FAF2: variants seen among roughly 807,000 people sequenced by gnomAD.
FAF2 encodes the protein Fas associated factor family member 2.
In FAF2, 9 loss-of-function variants were observed where a neutral mutation model predicts 62.3. The ratio of observed to expected loss-of-function variants is 0.14; its 90% CI spans 0.09 to 0.25. The LOEUF is 0.25. Ranked by LOEUF, FAF2 falls within the 10% of genes least tolerant of loss-of-function variation. The pLI, the probability that FAF2 is intolerant of heterozygous loss-of-function variation, is 1.00. For synonymous variants in FAF2, 202 were observed against 198.0 expected, an observed-to-expected ratio of 1.02 and a Z score of -0.17; for missense variants, 368 against 556.2, an observed-to-expected ratio of 0.66 and a Z score of 3.40.
In FAF2 at chr5:176,508,093, C is replaced by T. The variant is rs757353003; in HGVS notation, c.*1143C>T. 7.9e-5 allele frequency: 12 copies of T among 152,664 alleles called. No homozygotes were observed. The highest frequency in any genetic ancestry group is 1.2e-4 in the African/African-American group (5 of 41,456). The allele number at this position is 152,664 out of a possible 1,614,324, so 9.5% of individuals were successfully genotyped here. A position where few individuals can be genotyped will look rare whatever the true frequency, so the allele number is the denominator to read the frequency against. On this transcript the variant is annotated 3_prime_UTR_variant, in exon 11 of 11. Coordinates refer to ENST00000261942, the MANE Select transcript of FAF2 (RefSeq NM_014613.3). ...GGCCTTGAAGGGAGCCAAGACAGAA[C>T]TCCCAGCCTGTGTAATCTATTGGAA...
chr5:176,471,981 C>G (rs80341015), intron 1 of FAF2, among the ~76,000 whole-genome samples: 1,924 of 151,570 alleles, frequency 0.013, 44 homozygotes, highest in African/African-American at 0.044. Flanking sequence ...TGCCCAGCCC[C>G]TATCTGTACA....
At chr5:176,502,527 C>T (rs528937361) in intron 10 of FAF2, among the ~76,000 whole-genome samples, 1 of 151,932 alleles carries the variant, frequency 6.6e-6, no homozygotes, top group South Asian at 2.1e-4. Context: ...TTGCGGTGAG[C>T]CGAGATCATG....
intron 1 of FAF2, among the ~76,000 whole-genome samples, chr5:176,462,347 A>T (rs1195627732): frequency 6.6e-6 from 1 of 151,820 alleles, no homozygotes; most frequent in African/African-American, 2.4e-5. Context: ...TATTTAATAG[A>T]CTGCACAGTG....
intron 1 of FAF2, among the ~76,000 whole-genome samples, chr5:176,451,120 C>G (rs890007551): frequency 3.3e-5 from 5 of 152,058 alleles, no homozygotes; most frequent in African/African-American, 1.2e-4. Context: ...CTTGTAATCC[C>G]AGCACTTTGG....
chr5:176,451,833 T>C lies in FAF2; in HGVS notation c.63+3363T>C, dbSNP rs398050299. Among the ~76,000 whole-genome samples, 6 of 42,574 alleles carry C rather than the reference T, an allele frequency of 1.4e-4. 1 individual carries two copies. The highest frequency in any genetic ancestry group is 1.2e-3 in the Admixed American group (4 of 3,234). 27.9% of individuals were successfully genotyped at this position (42,574 alleles called of 152,430 possible). ...ATACACACATATATATATATACATATATATATATACACACATATATATACA... is the reference window on the plus strand; with the variant it reads ...ATACACACATATATATATATACATACATATATATACACACATATATATACA... On this transcript the variant is annotated intron_variant, in intron 1 of 10. Coordinates refer to ENST00000261942, the MANE Select transcript of FAF2 (RefSeq NM_014613.3).
chr5:176,479,755 G>A (rs2113732962), intron 2 of FAF2, among the ~76,000 whole-genome samples: 1 of 151,820 alleles, frequency 6.6e-6, no homozygotes, highest in Admixed American at 6.6e-5. Flanking sequence ...AGAGTGCAGT[G>A]GCGTGCTCTC....
At chr5:176,475,005 G>C (rs986190977) in intron 1 of FAF2, among the ~76,000 whole-genome samples, 1 of 152,174 alleles carries the variant, frequency 6.6e-6, no homozygotes, top group Non-Finnish European at 1.5e-5. Flanking sequence ...GGCTTGTTCA[G>C]TTGGGTTTCC....
At chr5:176,463,955 C>T (rs962500395) in intron 1 of FAF2, among the ~76,000 whole-genome samples, 2 of 152,054 alleles carry the variant, frequency 1.3e-5, no homozygotes, top group Non-Finnish European at 2.9e-5. Context: ...GTCTCGAACT[C>T]CTGACCTCAA....
At chr5:176,455,815 C>T (rs373885575) in intron 1 of FAF2, among the ~76,000 whole-genome samples, 53 of 149,494 alleles carry the variant, frequency 3.5e-4, no homozygotes, top group African/African-American at 1.3e-3. Flanking sequence ...CTAAAGAAAA[C>T]GATAGGCTTT....
At chr5:176,460,513 C>CGTGTGT (rs747582699) in intron 1 of FAF2, among the ~76,000 whole-genome samples, 10,838 of 132,492 alleles carry the variant, frequency 0.082, 505 homozygotes, top group Non-Finnish European at 0.099. Context: ...TTTTTGGCCG[C>CGTGTGT]GTGTGTGTGT....
Position 176,505,709 on chromosome 5 carries a change from T to C in FAF2, c.1156-1059T>C, listed in dbSNP as rs139139666. Among the ~76,000 whole-genome samples the C allele has an allele frequency of 5.4e-4, 82 of 152,346 alleles. No individual in the cohort carries two copies. In the East Asian group the frequency reaches 0.013, roughly 25 times the overall value. ...GCTCCCACATATCAGTGAGGACATA[T>C]AATGTTTGATTTTCCATTTCTACTT... On this transcript the variant is annotated intron_variant, in intron 10 of 10. Transcript: ENST00000261942.
At chr5:176,486,215 A>C in intron 2 of FAF2, 140 bp from the exon 3 acceptor site, 1 of 969,960 alleles carries the variant, frequency 1.0e-6, no homozygotes, top group Non-Finnish European at 1.5e-6. Flanking sequence ...TAACAGGCCC[A>C]TGAAGGTGCA....
At chr5:176,462,974 G>A (rs4551090) in intron 1 of FAF2, among the ~76,000 whole-genome samples, 75,767 of 151,956 alleles carry the variant, frequency 0.5, 19,038 homozygotes, top group Non-Finnish European at 0.52. Flanking sequence ...TTGAAACAAC[G>A]TTTCTGCTTG....
chr5:176,462,747 T>A (rs1360193111), intron 1 of FAF2, among the ~76,000 whole-genome samples: 1 of 152,218 alleles, frequency 6.6e-6, no homozygotes, highest in African/African-American at 2.4e-5. Context: ...GACATTAAAT[T>A]TTGCTAATAT....
chr5:176,484,093 A>G (rs983182562), intron 2 of FAF2, among the ~76,000 whole-genome samples: 1 of 151,954 alleles, frequency 6.6e-6, no homozygotes, highest in Non-Finnish European at 1.5e-5. Flanking sequence ...AAAAAAAGAA[A>G]AAAAGGGGGC....
intron 1 of FAF2, among the ~76,000 whole-genome samples, chr5:176,450,981 T>G (rs1319530804): frequency 1.3e-5 from 2 of 152,214 alleles, no homozygotes; most frequent in Non-Finnish European, 2.9e-5. Flanking sequence ...TCAGATTCAT[T>G]ATCCAGACTG....
In FAF2 at chr5:176,448,416, G is replaced by C. The variant is rs761596196; in HGVS notation, c.9G>C (p.Ala3=). ...GTAGAGGCGGCGGCAAAATGGCGGC[G>C]CCTGAGGAGCGGGATCTAACCCAGG... The part of the protein sequence containing the change: MA[A]PEERDLTQEQ... The change falls in exon 1 of 11, where the codon GCG becomes GCC. Residue 3 remains alanine (A), a synonymous_variant. Coordinates refer to ENST00000261942, the MANE Select transcript of FAF2 (RefSeq NM_014613.3). 34 of 1,606,238 alleles carry C rather than the reference G, an allele frequency of 2.1e-5. No individual in the cohort carries two copies. Among genetic ancestry groups the C allele is most frequent in the Non-Finnish European group, 2.9e-5 (34 of 1,176,782 alleles).
chr5:176,501,884 G>A (rs1378152657), intron 10 of FAF2, among the ~76,000 whole-genome samples: 1 of 152,124 alleles, frequency 6.6e-6, no homozygotes, highest in East Asian at 1.9e-4. Context: ...CTCCCGAGTA[G>A]CTGAGATTAC....
chr5:176,503,946 A>C (rs1413194402), intron 10 of FAF2, among the ~76,000 whole-genome samples: 1 of 151,858 alleles, frequency 6.6e-6, no homozygotes, highest in African/African-American at 2.4e-5. Context: ...CGGATCACTT[A>C]AGGCCAGGAG....
Sources: gnomAD v4.1 joint callset for allele counts (sites outside exome capture counted in the v4.1 genomes callset) on GRCh38, gnomAD v4.1.1 for gene constraint, MANE v1.5 for transcripts, NCBI Gene and HGNC (gene_info 2026-07-23, HGNC 2026-07-21) for gene names.